Variants in ADGRB1 observed in about 807,000 individuals in gnomAD.
ADGRB1 encodes the protein brain-specific angiogenesis inhibitor 1.
ADGRB1 carries 36 observed loss-of-function variants against 175.7 expected under a neutral mutation model. The observed-to-expected ratio is 0.20, with a 90% CI of 0.16 to 0.27. The LOEUF (loss-of-function observed/expected upper bound fraction) is 0.27. Ranked by LOEUF, ADGRB1 falls within the 10% of genes least tolerant of loss-of-function variation. The pLI, the probability that ADGRB1 is intolerant of heterozygous loss-of-function variation, is 1.00. For synonymous variants in ADGRB1, 1,054 were observed against 979.4 expected (o/e 1.08, Z -1.42); for missense variants, 1,731 against 2,255.3 (o/e 0.77, Z 4.71).
intron 1 of ADGRB1, among the ~76,000 whole-genome samples, chr8:142,463,417 G>A (rs140263056): frequency 2.0e-5 from 3 of 152,230 alleles, no homozygotes; most frequent in Admixed American, 6.5e-5. Flanking sequence ...GAAAGGGCTC[G>A]GGGGCCAGAC....
chr8:142,472,321 G>A (rs555407631), intron 2 of ADGRB1, among the ~76,000 whole-genome samples: 63 of 152,324 alleles, frequency 4.1e-4, no homozygotes, highest in South Asian at 2.5e-3. Context: ...GCCTGGGGCC[G>A]TTAATTGGCT....
At position 142,536,209 on chromosome 8, in the gene ADGRB1, C is replaced by T. The variant is rs963590633; in HGVS notation, c.3571-778C>T. Among the ~76,000 whole-genome samples, 8 of 139,382 alleles carry T rather than the reference C, an allele frequency of 5.7e-5. No homozygotes were observed. The South Asian group carries it at 1.3e-3, about 23-fold the overall frequency. 91.4% of individuals were successfully genotyped at this position (139,382 alleles called of 152,430 possible). A position where few individuals can be genotyped will look rare whatever the true frequency, so the allele number is the denominator to read the frequency against. Reference sequence around the variant, plus strand: ...CCAGGAAGCCCTCTGTGCTTTCATGCCCCCCACCACCCCCAAGGATTCCCT... The same window carrying T: ...CCAGGAAGCCCTCTGTGCTTTCATGTCCCCCACCACCCCCAAGGATTCCCT... On this transcript the variant is annotated intron_variant, in intron 25 of 30. Coordinates refer to ENST00000517894, the MANE Select transcript of ADGRB1 (RefSeq NM_001702.3).
rs1464658172 is a variant in ADGRB1 at position 142,511,299 on chromosome 8, G to C, written c.2817+226G>C. 1.3e-5 allele frequency among the ~76,000 whole-genome samples: 2 copies of C among 152,038 alleles called. No individual in the cohort carries two copies. Among genetic ancestry groups the C allele is most frequent in the Non-Finnish European group, 2.9e-5 (2 of 67,956 alleles). ...GTGGAGTTGGAGACGGGCCTGGGAGGAGTCGGGACCCCCGGAAAGTGGCTG... is the reference window on the plus strand; with the variant it reads ...GTGGAGTTGGAGACGGGCCTGGGAGCAGTCGGGACCCCCGGAAAGTGGCTG... On this transcript the variant is annotated intron_variant, in intron 18 of 30. Transcript: ENST00000517894. This position sits in a 1 kb window ranked among gnomAD's most constrained non-coding sequence, Gnocchi z 4.5.
chr8:142,465,038 G>C, intron 2 of ADGRB1, 56 bp downstream of exon 2: 1 of 1,328,208 alleles, frequency 7.5e-7, no homozygotes, highest in Non-Finnish European at 9.6e-7. Flanking sequence ...CAGGGGAGGC[G>C]GGCAGACAGG....
chr8:142,520,817 C>T lies in ADGRB1; in HGVS notation c.2922-6C>T. On this transcript the variant is annotated splice_polypyrimidine_tract_variant and splice_region_variant and intron_variant, in intron 19 of 30. Transcript: ENST00000517894. The stretch of plus-strand genomic sequence containing the variant: ...TGCTGACCTTGGGCCCCTGCACTCT[C>T]CACAGGTACATTCGCTCAGAGCGTT... 6.2e-7 allele frequency: 1 copy of T among 1,612,872 alleles called. No individual in the cohort carries two copies.
chr8:142,501,348 G>A (rs1842519641), intron 17 of ADGRB1, among the ~76,000 whole-genome samples: 1 of 131,818 alleles, frequency 7.6e-6, no homozygotes, highest in Admixed American at 7.8e-5. Flanking sequence ...TGGTGGTCGT[G>A]GTCATAGTGA....
intron 17 of ADGRB1, among the ~76,000 whole-genome samples, chr8:142,498,875 G>A (rs1158783091): frequency 6.6e-6 from 1 of 152,208 alleles, no homozygotes; most frequent in East Asian, 1.9e-4. Context: ...CGGCAGTGGA[G>A]GAGGGGACAG....
intron 2 of ADGRB1, among the ~76,000 whole-genome samples, chr8:142,471,985 T>C (rs1453906840): frequency 2.0e-5 from 3 of 152,198 alleles, no homozygotes; most frequent in Admixed American, 6.5e-5. Flanking sequence ...TCGGACACGC[T>C]GTGGGTGCCT....
In ADGRB1 at chr8:142,530,064, ATG is replaced by A. The variant is rs571549414; in HGVS notation, c.3399-3228_3399-3227del. On this transcript the variant is annotated intron_variant, in intron 24 of 30. Coordinates refer to ENST00000517894, the MANE Select transcript of ADGRB1 (RefSeq NM_001702.3). Reference sequence around the variant, plus strand: ...TGTGAGTGCAACCTGGTGTATATACATGTGAGTGTGCATCTGTGTGTGAGTGC... The same window carrying A: ...TGTGAGTGCAACCTGGTGTATATACATGAGTGTGCATCTGTGTGTGAGTGC... 3.6e-4 allele frequency among the ~76,000 whole-genome samples: 54 copies of A among 150,328 alleles called. No individual in the cohort carries two copies. The East Asian group carries it at 9.9e-3, about 28-fold the overall frequency.
At chr8:142,480,240 G>A (rs1235260509) in intron 9 of ADGRB1, among the ~76,000 whole-genome samples, 2 of 152,220 alleles carry the variant, frequency 1.3e-5, no homozygotes, top group South Asian at 2.1e-4. Context: ...TTTTGAAGGA[G>A]TGCAGGTGCT....
intron 25 of ADGRB1, among the ~76,000 whole-genome samples, chr8:142,534,548 A>G (rs546339030): frequency 3.9e-5 from 6 of 152,268 alleles, no homozygotes; most frequent in South Asian, 4.1e-4. Flanking sequence ...TCTCAAGGCA[A>G]TCTGACTTCG....
chr8:142,481,058 C>T lies in ADGRB1; in HGVS notation c.1829-196C>T, dbSNP rs940772868. The stretch of plus-strand genomic sequence containing the variant: ...CCTGCCAGGTCCTGAGTCCTTGGGG[C>T]AGGTAGCAGCTGGAAATGTGTTGAT... On this transcript the variant is annotated intron_variant, in intron 9 of 30. Transcript: ENST00000517894. Among the ~76,000 whole-genome samples the T allele has an allele frequency of 3.9e-5, 6 of 152,360 alleles. No individual in the cohort carries two copies. In the East Asian group the frequency reaches 1.2e-3, roughly 29 times the overall value.
At chr8:142,450,778 G>A (rs1214688671) in intron 1 of ADGRB1, among the ~76,000 whole-genome samples, 1 of 152,110 alleles carries the variant, frequency 6.6e-6, no homozygotes, top group Non-Finnish European at 1.5e-5. Context: ...CCCCCACTTC[G>A]GGCGGAGGGC....
At chr8:142,487,789 C>T (rs776852934) in intron 13 of ADGRB1, among the ~76,000 whole-genome samples, 5 of 152,258 alleles carry the variant, frequency 3.3e-5, no homozygotes, top group African/African-American at 4.8e-5. Context: ...GGCCCTTCCG[C>T]ACCCCCAATG....
chr8:142,544,135 C>G (rs1845451921), intron 30 of ADGRB1, 85 bp from the exon 31 acceptor site: 1 of 1,407,434 alleles, frequency 7.1e-7, no homozygotes, highest in South Asian at 1.3e-5. Context: ...CTCACTGATT[C>G]GTGTCTGCCT....
chr8:142,509,518 G>A (rs1424506089), intron 17 of ADGRB1, among the ~76,000 whole-genome samples: 1 of 152,218 alleles, frequency 6.6e-6, no homozygotes, highest in Non-Finnish European at 1.5e-5. Flanking sequence ...CACCGGGGCA[G>A]GTCCCTTCTG....
intron 17 of ADGRB1, among the ~76,000 whole-genome samples, chr8:142,497,229 C>T (rs1386813131): frequency 6.6e-6 from 1 of 152,340 alleles, no homozygotes; most frequent in East Asian, 1.9e-4. Flanking sequence ...CCTGTGGGGC[C>T]CCTGTCAGGT....
rs1012250603 is a variant in ADGRB1, at chr8:142,543,991, G to A, written c.4558-229G>A. Among the ~76,000 whole-genome samples, 3 of 152,192 alleles carry A rather than the reference G, an allele frequency of 2.0e-5. No individual in the cohort carries two copies. The highest frequency in any genetic ancestry group is 3.4e-3 in the Middle Eastern group (1 of 294). On this transcript the variant is annotated intron_variant, in intron 30 of 30. Transcript: ENST00000517894. This position sits in a 1 kb window ranked among gnomAD's most constrained non-coding sequence, Gnocchi z 4.4. ...GGGCAGGGTCCCCACAGCCTGACCCGACCGTGGGGTTCGCAACCTCTGCCA... is the reference window on the plus strand; with the variant it reads ...GGGCAGGGTCCCCACAGCCTGACCCAACCGTGGGGTTCGCAACCTCTGCCA...
intron 17 of ADGRB1, among the ~76,000 whole-genome samples, chr8:142,500,266 ACGCGCCGCTCCTC>A (rs1842434798): frequency 4.7e-4 from 2 of 4,226 alleles, no homozygotes; most frequent in Non-Finnish European, 1.4e-3. Context: ...CCACCTCCCC[ACGCGCCGCTCCTC>A]CACCTCCCCA....
Sources: allele counts gnomAD v4.1 joint callset (sites outside exome capture counted in the v4.1 genomes callset), GRCh38; gene constraint gnomAD v4.1.1; non-coding constraint Gnocchi (gnomAD v3.1); transcripts MANE v1.5; gene names NCBI Gene and HGNC (gene_info 2026-07-23, HGNC 2026-07-21).